The following PCLO variants were observed in gnomAD, a reference collection of about 807,000 sequenced individuals.
PCLO encodes protein piccolo.
A neutral mutation model predicts 427.5 loss-of-function variants in PCLO; 82 were observed. The observed-to-expected ratio is 0.19, with a 90% CI of 0.16 to 0.23. The LOEUF is 0.23. PCLO is among the 10% of genes least tolerant of loss of function. The probability of loss-of-function intolerance (pLI) is 1.00; values close to 1 mark genes in which losing one functional copy is unlikely to be tolerated. For missense variants in PCLO, 6,239 were observed against 6,115.9 expected, an observed-to-expected ratio of 1.02 and a Z score of -0.67; for synonymous variants, 2,357 against 2,155.4, an observed-to-expected ratio of 1.09 and a Z score of -2.59.
rs1244167928 is a variant in PCLO, at chr7:83,162,135, C to T, written c.248+210G>A. On this transcript the variant is annotated intron_variant, in intron 1 of 24. Coordinates refer to ENST00000333891, the MANE Select transcript of PCLO (RefSeq NM_033026.6). ...AAAATCACAGTTCCAAGAATGTAAC[C>T]CTTGACTATCCCACCAGAAACTCTA... Among the ~76,000 whole-genome samples the T allele has an allele frequency of 2.0e-5, 3 of 152,192 alleles. No individual in the cohort carries two copies. The East Asian group carries it at 5.8e-4, about 29-fold the overall frequency.
At chr7:82,780,603 G>A (rs1249890718) in intron 22 of PCLO, among the ~76,000 whole-genome samples, 4 of 152,090 alleles carry the variant, frequency 2.6e-5, no homozygotes, top group African/African-American at 9.7e-5. Flanking sequence ...GCTGGAGTGC[G>A]GTGGCGCGAT....
chr7:83,028,981 G>A (rs981497149), intron 3 of PCLO, among the ~76,000 whole-genome samples: 2 of 151,936 alleles, frequency 1.3e-5, no homozygotes, highest in African/African-American at 2.4e-5. Flanking sequence ...AGACTTAAAC[G>A]TCAGACCTAA....
At chr7:83,042,216 A>G (rs751716562) in intron 3 of PCLO, among the ~76,000 whole-genome samples, 14 of 152,306 alleles carry the variant, frequency 9.2e-5, no homozygotes, top group South Asian at 2.1e-4. Flanking sequence ...ACTAAGTCCT[A>G]TATTTTCAAG....
intron 9 of PCLO, chr7:82,880,424 T>C (rs1275642203): frequency 4.9e-6 from 2 of 410,036 alleles, no homozygotes; most frequent in East Asian, 7.4e-5. Context: ...TTTTATCTTT[T>C]GTAGAGACAA....
chr7:83,037,459 C>T (rs1271130671), intron 3 of PCLO, among the ~76,000 whole-genome samples: 1 of 151,908 alleles, frequency 6.6e-6, no homozygotes, highest in East Asian at 1.9e-4. Flanking sequence ...TTTACTGGAG[C>T]TTGCAAGTTA....
At chr7:82,975,415 A>G (rs950729341) in intron 3 of PCLO, among the ~76,000 whole-genome samples, 2 of 152,198 alleles carry the variant, frequency 1.3e-5, no homozygotes, top group African/African-American at 4.8e-5. Context: ...TAAAGACAGA[A>G]TAATTTCACA....
chr7:82,918,780 G>T (rs1370992110), intron 6 of PCLO, among the ~76,000 whole-genome samples: 1 of 151,982 alleles, frequency 6.6e-6, no homozygotes, highest in Non-Finnish European at 1.5e-5. Flanking sequence ...TGACAAAAGG[G>T]TGTTTAATTG....
At chr7:83,043,907 A>ATTTTTT (rs1562935908) in intron 3 of PCLO, among the ~76,000 whole-genome samples, 1 of 59,008 alleles carries the variant, frequency 1.7e-5, no homozygotes, top group East Asian at 7.2e-4. Context: ...TATTACTATT[A>ATTTTTT]TTTTCTTTTT....
intron 3 of PCLO, among the ~76,000 whole-genome samples, chr7:83,046,528 A>AT (rs1403223045): frequency 6.6e-6 from 1 of 152,112 alleles, no homozygotes; most frequent in Non-Finnish European, 1.5e-5. Context: ...AACACTGTTT[A>AT]TCTAAGTGAC....
intron 10 of PCLO, among the ~76,000 whole-genome samples, chr7:82,878,762 G>T (rs992894489): frequency 1.3e-5 from 2 of 152,068 alleles, no homozygotes; most frequent in African/African-American, 2.4e-5. Flanking sequence ...TTCTGTAAAG[G>T]GCCAGGAGTA....
At chr7:82,877,245 C>T (rs193233164) in intron 10 of PCLO, among the ~76,000 whole-genome samples, 516 of 152,160 alleles carry the variant, frequency 3.4e-3, no homozygotes, top group Non-Finnish European at 5.7e-3. Flanking sequence ...TCTTTAGAAT[C>T]ATGCTGATTT....
intron 3 of PCLO, among the ~76,000 whole-genome samples, chr7:83,003,877 C>T (rs1169384111): frequency 2.0e-5 from 3 of 151,118 alleles, no homozygotes; most frequent in East Asian, 1.9e-4. Flanking sequence ...TGGAAGTGTT[C>T]CCTCCTTTTT....
chr7:82,853,079 C>A (rs144526092), intron 10 of PCLO, among the ~76,000 whole-genome samples: 1 of 152,040 alleles, frequency 6.6e-6, no homozygotes, highest in Non-Finnish European at 1.5e-5. Context: ...GAATAGAATT[C>A]CATGGTGTAT....
intron 7 of PCLO, among the ~76,000 whole-genome samples, chr7:82,912,205 A>G (rs1197864540): frequency 1.3e-5 from 2 of 152,066 alleles, no homozygotes; most frequent in Non-Finnish European, 2.9e-5. Flanking sequence ...ATATAGATAT[A>G]GCATATATTT....
intron 3 of PCLO, among the ~76,000 whole-genome samples, chr7:83,120,381 T>C (rs1345946068): frequency 2.2e-5 from 3 of 136,676 alleles, no homozygotes; most frequent in East Asian, 4.4e-4. Flanking sequence ...AGCTTGGGTG[T>C]TGGAGTGAGA....
intron 3 of PCLO, among the ~76,000 whole-genome samples, chr7:83,029,262 G>GAAAA (rs201134210): frequency 3.2e-5 from 4 of 126,926 alleles, no homozygotes; most frequent in African/African-American, 1.2e-4. Flanking sequence ...AAATTTACAA[G>GAAAA]AAAAAAAAAA....
chr7:82,794,661 C>T (rs6947564), intron 22 of PCLO, among the ~76,000 whole-genome samples: 54,771 of 150,150 alleles, frequency 0.36, 12,308 homozygotes, highest in East Asian at 0.67. Context: ...TTTGTAGAGA[C>T]GGGGTTTATG....
At chr7:82,940,920 G>A (rs1281323164) in intron 6 of PCLO, among the ~76,000 whole-genome samples, 2 of 151,070 alleles carry the variant, frequency 1.3e-5, no homozygotes, top group African/African-American at 4.9e-5. Flanking sequence ...TTGCCACCAC[G>A]CCCGGCTAAT....
rs557084672 is a variant in PCLO, at chr7:83,126,653, C to T, written c.3300+7597G>A. ...GTGACAGATAAGGGAAAATCATTTC[C>T]AGATAGATAAATTGATAAAGATTTA... On this transcript the variant is annotated intron_variant, in intron 3 of 24. Coordinates refer to ENST00000333891, the MANE Select transcript of PCLO (RefSeq NM_033026.6). Among the ~76,000 whole-genome samples the T allele has an allele frequency of 6.6e-5, 10 of 151,824 alleles. 1 individual carries two copies. The highest frequency in any genetic ancestry group is 2.4e-4 in the African/African-American group (10 of 41,422).
Sources: gnomAD v4.1 joint callset for allele counts (sites outside exome capture counted in the v4.1 genomes callset) on GRCh38, gnomAD v4.1.1 for gene constraint, MANE v1.5 for transcripts, NCBI Gene and HGNC (gene_info 2026-07-23, HGNC 2026-07-21) for gene names.